PTPN14: variants seen among roughly 807,000 people sequenced by gnomAD.
PTPN14 encodes the protein protein tyrosine phosphatase non-receptor type 14.
PTPN14 carries 53 observed loss-of-function variants against 126.8 expected under a neutral mutation model. The observed-to-expected ratio is 0.42, with a 90% CI of 0.34 to 0.53. PTPN14 has a LOEUF of 0.53. Ranked by LOEUF, PTPN14 falls within the 20% of genes least tolerant of loss-of-function variation. The pLI is 0.08. For synonymous variants in PTPN14, 630 were observed against 599.3 expected (o/e 1.05, Z -0.75); for missense variants, 1,257 against 1,552.9 (o/e 0.81, Z 3.20).
chr1:214,549,034 T>A (rs1053860114), intron 1 of PTPN14, among the ~76,000 whole-genome samples: 6 of 152,158 alleles, frequency 3.9e-5, no homozygotes, highest in African/African-American at 1.4e-4. Context: ...TCAGGAAAAC[T>A]TCTGTGAAGG....
At chr1:214,447,266 C>A (rs926842928) in intron 3 of PTPN14, among the ~76,000 whole-genome samples, 5 of 152,216 alleles carry the variant, frequency 3.3e-5, no homozygotes, top group Middle Eastern at 3.4e-3. Flanking sequence ...ATATTCAGTT[C>A]GGACCTCAGA....
intron 1 of PTPN14, among the ~76,000 whole-genome samples, chr1:214,523,563 TATA>T (rs1230108453): frequency 6.6e-6 from 1 of 152,202 alleles, no homozygotes; most frequent in Admixed American, 6.5e-5. Context: ...AAATATATTC[TATA>T]ATGTTTGCTC....
At position 214,369,594 on chromosome 1, in the gene PTPN14, C is replaced by A. The variant is rs181559516; in HGVS notation, c.3134G>T (p.Arg1045Leu). 1.2e-4 allele frequency: 193 copies of A among 1,614,138 alleles called. 3 individuals carry two copies. In the East Asian group the frequency reaches 4.2e-3, roughly 35 times the overall value. The change falls in exon 17 of 19, where the codon CGA becomes CTA. Residue 1045 changes from arginine (R) to leucine (L), a missense_variant. By Grantham distance (102) the Arg-to-Leu change is moderately radical. This residue lies in a region of PTPN14 where 171 missense variants were observed against 229.8 expected (regional missense o/e 0.74). Transcript: ENST00000366956. ...GGTTGCATAGCAAACAGAATCCGTT[C>A]GAAACTTCGTGGTGACCTTGAACTT... The part of the protein sequence containing the change: ...YGKFKVTTKF[R>L]TDSVCYATTG...
chr1:214,426,496 T>C (rs1299953330), intron 3 of PTPN14, among the ~76,000 whole-genome samples: 1 of 151,718 alleles, frequency 6.6e-6, no homozygotes, highest in African/African-American at 2.4e-5. Context: ...TCTTGACACA[T>C]AGTAAACTTT....
At chr1:214,405,952 G>A (rs770650205) in intron 5 of PTPN14, among the ~76,000 whole-genome samples, 3 of 152,096 alleles carry the variant, frequency 2.0e-5, no homozygotes, top group Non-Finnish European at 4.4e-5. Flanking sequence ...GCCTAGCAAA[G>A]GTGCCACGAG....
chr1:214,483,002 T>C, intron 1 of PTPN14: 1 of 1,489,068 alleles, frequency 6.7e-7, no homozygotes, highest in South Asian at 1.2e-5. Flanking sequence ...TTGTCTCCAA[T>C]ACCATTCCCC....
At chr1:214,452,585 C>T (rs1660295717) in intron 2 of PTPN14, among the ~76,000 whole-genome samples, 1 of 152,156 alleles carries the variant, frequency 6.6e-6, no homozygotes, top group Non-Finnish European at 1.5e-5. Context: ...GAGGAAGGAT[C>T]GCCTCCTCAC....
chr1:214,409,101 G>T (rs1304096867), intron 5 of PTPN14, among the ~76,000 whole-genome samples: 1 of 152,114 alleles, frequency 6.6e-6, no homozygotes, highest in African/African-American at 2.4e-5. Context: ...TTTCTTTGTG[G>T]TGAGAACATT....
chr1:214,376,502 A>C, intron 14 of PTPN14, 65 bp from the exon 15 acceptor site: 1 of 1,325,662 alleles, frequency 7.5e-7, no homozygotes, highest in Non-Finnish European at 1.1e-6. Context: ...GAAACAACCA[A>C]ATTTCTTTAA....
rs1386583729 is a variant in PTPN14, at chr1:214,384,724, A to G, written c.1131T>C (p.Asn377=). ...CATTGGTGACAGTGCCATTTAAATA[A>G]TTTAAGTCCAGGCTGTTGTGAGAGT... The part of the protein sequence containing the change: ...YCNSHNSLDL[N]YLNGTVTNGS... The change falls in exon 13 of 19, where the codon AAT becomes AAC. Residue 377 remains asparagine, a synonymous_variant. Coordinates refer to ENST00000366956, the MANE Select transcript of PTPN14 (RefSeq NM_005401.5). The surrounding 1 kb of genome is among the most constrained non-coding windows in gnomAD (Gnocchi z 5.3). 4 of 1,614,028 alleles carry G rather than the reference A, an allele frequency of 2.5e-6. No individual in the cohort carries two copies. In the African/African-American group the frequency reaches 5.3e-5, roughly 22 times the overall value.
intron 1 of PTPN14, among the ~76,000 whole-genome samples, chr1:214,471,265 C>T (rs1429849389): frequency 2.6e-5 from 4 of 151,966 alleles, no homozygotes; most frequent in South Asian, 2.1e-4. Flanking sequence ...AATACTCACT[C>T]GACTGAAGTT....
Position 214,364,126 on chromosome 1 carries a change from C to T in PTPN14, c.3435+386G>A. On this transcript the variant is annotated intron_variant, in intron 18 of 18. Coordinates refer to ENST00000366956, the MANE Select transcript of PTPN14 (RefSeq NM_005401.5). This position sits in a 1 kb window ranked among gnomAD's most constrained non-coding sequence, Gnocchi z 4.1. ...TTCACCTAGCATTTAGGCCAGAACA[C>T]ATCCTAGAAATGCAAGATGCATCGA... is the stretch of plus-strand genomic sequence containing the variant. Among the ~76,000 whole-genome samples the T allele has an allele frequency of 6.6e-6, 1 of 152,224 alleles. No individual in the cohort carries two copies. The highest frequency in any genetic ancestry group is 1.9e-4 in the East Asian group (1 of 5,198).
intron 18 of PTPN14, among the ~76,000 whole-genome samples, chr1:214,361,981 A>C (rs1657967321): frequency 6.6e-6 from 1 of 152,246 alleles, no homozygotes; most frequent in East Asian, 1.9e-4. Context: ...TTTCATTGAC[A>C]GAATTAAAAC....
intron 14 of PTPN14, among the ~76,000 whole-genome samples, chr1:214,376,643 C>G (rs962347450): frequency 2.0e-4 from 31 of 152,130 alleles, no homozygotes; most frequent in Admixed American, 8.5e-4. Flanking sequence ...ATAAGTAGAA[C>G]AAATCTGCAA....
intron 1 of PTPN14, among the ~76,000 whole-genome samples, chr1:214,502,793 AT>A (rs1451002761): frequency 2.0e-5 from 3 of 152,276 alleles, no homozygotes; most frequent in African/African-American, 7.2e-5. Context: ...AATGTTAAAA[AT>A]AACAATATCA....
chr1:214,440,203 C>T (rs568409491), intron 3 of PTPN14, among the ~76,000 whole-genome samples: 2 of 152,276 alleles, frequency 1.3e-5, no homozygotes, highest in Admixed American at 1.3e-4. Context: ...CTTTATCTGT[C>T]TGTTTCTCAG....
chr1:214,467,882 C>A (rs562288617), intron 1 of PTPN14, among the ~76,000 whole-genome samples: 6 of 152,076 alleles, frequency 3.9e-5, no homozygotes, highest in Non-Finnish European at 8.8e-5. Flanking sequence ...ACGGTATCAA[C>A]AAAATGTAAG....
intron 2 of PTPN14, among the ~76,000 whole-genome samples, chr1:214,455,893 T>C (rs964253652): frequency 1.5e-5 from 2 of 134,250 alleles, no homozygotes; most frequent in African/African-American, 2.6e-5. Context: ...AAAAGTAGTT[T>C]TGAGGGCAGG....
chr1:214,403,059 T>C, intron 5 of PTPN14, 106 bp from the exon 6 acceptor site: 3 of 1,057,806 alleles, frequency 2.8e-6, no homozygotes, highest in Non-Finnish European at 4.3e-6. Flanking sequence ...TTAGTCACAT[T>C]TCCTCAATAT....
Sources: gnomAD v4.1 joint callset for allele counts (sites outside exome capture counted in the v4.1 genomes callset) on GRCh38, gnomAD v4.1.1 for gene constraint, gnomAD v4.1.1 regional missense constraint, Gnocchi (gnomAD v3.1) non-coding constraint, MANE v1.5 for transcripts, NCBI Gene and HGNC (gene_info 2026-07-23, HGNC 2026-07-21) for gene names.